The following SS18 variants were observed in gnomAD, a reference collection of about 807,000 sequenced individuals.
SS18 encodes the protein protein SSXT.
A neutral mutation model predicts 72.5 loss-of-function variants in SS18; 28 were observed. The ratio of observed to expected loss-of-function variants is 0.39; its 90% confidence interval spans 0.29 to 0.53. The LOEUF (loss-of-function observed/expected upper bound fraction) is 0.53. Among genes scored for constraint, SS18 ranks in the 20% least tolerant of loss-of-function variants. The pLI is 0.76. For missense variants in SS18, 518 were observed against 535.3 expected, an observed-to-expected ratio of 0.97 and a Z score of 0.32; for synonymous variants, 172 against 164.2, an observed-to-expected ratio of 1.05 and a Z score of -0.37.
intron 3 of SS18, among the ~76,000 whole-genome samples, chr18:26,067,802 CAGTGGT>C (rs1197813398): frequency 6.6e-6 from 1 of 151,496 alleles, no homozygotes; most frequent in Admixed American, 6.6e-5. Context: ...CCAAAAAGAC[CAGTGGT>C]CCCCAACCTT....
intron 3 of SS18, 72 bp from the exon 4 acceptor site, chr18:26,057,814 G>A: frequency 7.2e-7 from 1 of 1,383,768 alleles, no homozygotes; most frequent in South Asian, 1.8e-5. Context: ...TAAAAGAGTT[G>A]CTTATGTTAC....
Position 26,053,386 on chromosome 18 carries a change from A to G in SS18, c.386-541T>C, listed in dbSNP as rs2053957462. Reference sequence around the variant, plus strand: ...AAACATTTAAAAAGAAGAAACCATAAAAGAATTTCAAAAAGGAGAATTTTA... The same window carrying G: ...AAACATTTAAAAAGAAGAAACCATAGAAGAATTTCAAAAAGGAGAATTTTA... On this transcript the variant is annotated intron_variant, in intron 4 of 10. Coordinates refer to ENST00000415083, the MANE Select transcript of SS18 (RefSeq NM_001007559.3). Among the ~76,000 whole-genome samples the G allele has an allele frequency of 5.3e-5, 8 of 151,584 alleles. No homozygotes were observed. The South Asian group carries it at 1.7e-3, about 31-fold the overall frequency.
chr18:26,026,983 T>C (rs2053456748), intron 10 of SS18, among the ~76,000 whole-genome samples: 1 of 152,164 alleles, frequency 6.6e-6, no homozygotes, highest in African/African-American at 2.4e-5. Flanking sequence ...GCCATGTTCA[T>C]AGGTTGGAAG....
intron 3 of SS18, among the ~76,000 whole-genome samples, chr18:26,069,172 CTA>C (rs2054269902): frequency 6.6e-6 from 1 of 152,090 alleles, no homozygotes; most frequent in Non-Finnish European, 1.5e-5. Context: ...CAATGTGTAC[CTA>C]TATCTTTATT....
chr18:26,024,259 G>A (rs1196117500), intron 10 of SS18, among the ~76,000 whole-genome samples: 5 of 152,202 alleles, frequency 3.3e-5, no homozygotes, highest in African/African-American at 1.2e-4. Context: ...GGAATGAGGA[G>A]TGACTGCTAA....
In SS18 at chr18:26,087,484, TTTC is replaced by T. The variant is rs1442185942; in HGVS notation, c.146+14_146+16del. 7 of 1,486,544 alleles carry T rather than the reference TTTC, an allele frequency of 4.7e-6. No homozygotes were observed. The highest frequency in any genetic ancestry group is 1.2e-5 in the South Asian group (1 of 81,874). The allele number at this position is 1,486,544 out of a possible 1,614,324, so 92.1% of individuals were successfully genotyped here. The stretch of plus-strand genomic sequence containing the variant: ...TACAAAAAACTGAATAAAAAAAAAG[TTTC>T]TTATCAATCTTACTGAGAACACTCT... On this transcript the variant is annotated intron_variant, in intron 2 of 10. Coordinates refer to ENST00000415083, the MANE Select transcript of SS18 (RefSeq NM_001007559.3).
At chr18:26,041,754 A>T (rs776485273) in intron 5 of SS18, among the ~76,000 whole-genome samples, 7 of 152,164 alleles carry the variant, frequency 4.6e-5, no homozygotes, top group Non-Finnish European at 8.8e-5. Context: ...AAAAGAAAAA[A>T]AAATCCAAAA....
chr18:26,084,846 C>A (rs187656411), intron 2 of SS18, among the ~76,000 whole-genome samples: 1 of 152,174 alleles, frequency 6.6e-6, no homozygotes, highest in East Asian at 1.9e-4. Flanking sequence ...TGTACTGGAC[C>A]CTGGACCAGA....
intron 2 of SS18, chr18:26,084,094 T>C (rs2054576362): frequency 1.3e-5 from 2 of 151,820 alleles, no homozygotes; most frequent in Admixed American, 6.6e-5. Context: ...GAACATTTTG[T>C]GGTATAAGAA....
intron 2 of SS18, among the ~76,000 whole-genome samples, chr18:26,083,754 T>C (rs993598153): frequency 3.9e-5 from 6 of 152,294 alleles, no homozygotes; most frequent in East Asian, 1.9e-4. Context: ...TAGCGCATGA[T>C]TGTATTCTAA....
chr18:26,076,040 C>G (rs746236110), intron 3 of SS18, among the ~76,000 whole-genome samples: 2 of 151,714 alleles, frequency 1.3e-5, no homozygotes, highest in Non-Finnish European at 1.5e-5. Context: ...AGGGAAAAAT[C>G]ATAAAACTTC....
At chr18:26,069,993 G>C (rs1188464636) in intron 3 of SS18, among the ~76,000 whole-genome samples, 1 of 152,106 alleles carries the variant, frequency 6.6e-6, no homozygotes, top group Non-Finnish European at 1.5e-5. Context: ...CTTTCTACTG[G>C]TAAAATTGTT....
Position 26,038,560 on chromosome 18 carries a change from G to A in SS18, c.875C>T (p.Pro292Leu). The A allele has an allele frequency of 6.2e-7, 1 of 1,606,792 alleles. No individual in the cohort carries two copies. The highest frequency in any genetic ancestry group is 8.5e-7 in the Non-Finnish European group (1 of 1,173,472). ...TTAACATCAGGAGAGATTACCATCA[G>A]GGTAATATTGCTGGTTCATGCCTTC... ...PPEGMNQQYY[P>L]DGHNDYGYQQ... is the part of the protein sequence containing the mutation. The change falls in exon 7 of 11, where the codon CCT (proline) becomes CTT (leucine). Residue 292 changes from proline to leucine, a missense_variant. Coordinates refer to ENST00000415083, the MANE Select transcript of SS18 (RefSeq NM_001007559.3).
Position 26,090,486 on chromosome 18 carries a change from C to A in SS18, c.69+15G>T. The A allele has an allele frequency of 6.4e-7, 1 of 1,560,928 alleles. No homozygotes were observed. Among genetic ancestry groups the A allele is most frequent in the South Asian group, 1.2e-5 (1 of 84,604 alleles). On this transcript the variant is annotated intron_variant, in intron 1 of 10. Transcript: ENST00000415083. The stretch of plus-strand genomic sequence containing the variant: ...GCGGTAAGGGCCTGGCATCCGCAAC[C>A]CCGCGCGGTTTCACCTTCTGAATCG...
At chr18:26,041,069 T>A (rs1409781153) in intron 5 of SS18, among the ~76,000 whole-genome samples, 1 of 152,202 alleles carries the variant, frequency 6.6e-6, no homozygotes, top group Non-Finnish European at 1.5e-5. Flanking sequence ...AAACCTCAAA[T>A]TTTATTTTGA....
At chr18:26,074,382 C>G (rs559735863) in intron 3 of SS18, among the ~76,000 whole-genome samples, 1 of 151,348 alleles carries the variant, frequency 6.6e-6, no homozygotes, top group South Asian at 2.1e-4. Context: ...TCTGAAAAGG[C>G]TATTAAAATA....
At chr18:26,090,144 A>G (rs2054693829) in intron 1 of SS18, 3 of 261,194 alleles carry the variant, frequency 1.1e-5, no homozygotes, top group African/African-American at 2.3e-5. Context: ...GTAACTCCGG[A>G]GCAACGCGCG....
chr18:26,054,110 C>T lies in SS18; in HGVS notation c.386-1265G>A, dbSNP rs561254769. On this transcript the variant is annotated intron_variant, in intron 4 of 10. Coordinates refer to ENST00000415083, the MANE Select transcript of SS18 (RefSeq NM_001007559.3). Reference sequence around the variant, plus strand: ...ATCATCTCTACATTACATGTACTGCCTAACACAATGTAAATGCTATGTACA... The same window carrying T: ...ATCATCTCTACATTACATGTACTGCTTAACACAATGTAAATGCTATGTACA... 3.9e-5 allele frequency among the ~76,000 whole-genome samples: 6 copies of T among 152,264 alleles called. No homozygotes were observed. The East Asian group carries it at 1.2e-3, about 29-fold the overall frequency.
intron 3 of SS18, among the ~76,000 whole-genome samples, chr18:26,070,867 C>A (rs533757672): frequency 8.0e-4 from 122 of 152,212 alleles, no homozygotes; most frequent in Non-Finnish European, 1.2e-3. Flanking sequence ...TTTTCAGACT[C>A]AAGTATCTCA....
Sources: allele counts gnomAD v4.1 joint callset (sites outside exome capture counted in the v4.1 genomes callset), GRCh38; gene constraint gnomAD v4.1.1; transcripts MANE v1.5; gene names NCBI Gene and HGNC (gene_info 2026-07-23, HGNC 2026-07-21).